CPLANE1: variants seen among roughly 807,000 people sequenced by gnomAD.
The protein encoded by CPLANE1 is ciliogenesis and planar polarity effector 1.
Under a neutral mutation model 362.5 loss-of-function variants are expected in CPLANE1, and 263 were observed. The ratio of observed to expected loss-of-function variants is 0.73; its 90% CI spans 0.66 to 0.80. The LOEUF (loss-of-function observed/expected upper bound fraction) is 0.80, where lower values mean the gene tolerates loss of function less well. Among genes scored for constraint, CPLANE1 ranks in the 30% least tolerant of loss-of-function variants. The pLI, the probability that CPLANE1 is intolerant of heterozygous loss-of-function variation, is 0.00. For missense variants in CPLANE1, 3,461 were observed against 3,793.4 expected (o/e 0.91, Z 2.30); for synonymous variants, 1,212 against 1,302.6 (o/e 0.93, Z 1.50).
chr5:37,177,692 T>G lies in CPLANE1; in HGVS notation c.5829A>C (p.Thr1943=), dbSNP rs370862454. ...TLPQQLEEEF[T]EEVQCQREEP... ...CTTCCCTTTGACACTGAACCTCTTCTGTGAACTCCTGTTAAAATGAATAGT... is the reference window on the plus strand; with the variant it reads ...CTTCCCTTTGACACTGAACCTCTTCGGTGAACTCCTGTTAAAATGAATAGT... The change falls in exon 30 of 53, where the codon ACA becomes ACC. Residue 1943 remains threonine (T), a synonymous_variant. Transcript: ENST00000651892. 1 of 1,612,454 alleles carries G rather than the reference T, an allele frequency of 6.2e-7. No homozygotes were observed. Among genetic ancestry groups the G allele is most frequent in the African/African-American group, 1.3e-5 (1 of 74,998 alleles).
At chr5:37,187,712 T>C in intron 22 of CPLANE1, 21 bp downstream of exon 22, 1 of 1,597,890 alleles carries the variant, frequency 6.3e-7, no homozygotes, top group Non-Finnish European at 8.6e-7. Flanking sequence ...TCATTTTTCT[T>C]ATTTTTGCCC....
At chr5:37,077,243 C>A in the CPLANE1 span, among the ~76,000 whole-genome samples, 1 of 152,174 alleles carries the variant, frequency 6.6e-6, no homozygotes, top group South Asian at 2.1e-4. Context: ...CCATGGTTGT[C>A]TCATGGTTTA....
At chr5:37,185,151 C>T in intron 24 of CPLANE1, 72 bp from the exon 25 acceptor site, 1 of 1,380,142 alleles carries the variant, frequency 7.2e-7, no homozygotes, top group Admixed American at 2.4e-5. Context: ...AGACCCAACT[C>T]TGGTCCCTCC....
intron 51 of CPLANE1, among the ~76,000 whole-genome samples, chr5:37,109,750 G>A (rs1056499766): frequency 3.9e-5 from 6 of 152,132 alleles, no homozygotes; most frequent in African/African-American, 1.2e-4. Flanking sequence ...TCTGCCTCCC[G>A]GATTCAAGCG....
chr5:37,227,088 GA>G lies in CPLANE1; in HGVS notation c.1522-16del. On this transcript the variant is annotated splice_polypyrimidine_tract_variant and intron_variant, in intron 11 of 52. Transcript: ENST00000651892. ...GCTTCAAAATCCTAAAACATGAGGG[GA>G]AAAAAATGATACTTAATACCATTTA... 1.3e-6 allele frequency: 2 copies of G among 1,524,968 alleles called. No individual in the cohort carries two copies. Among genetic ancestry groups the G allele is most frequent in the South Asian group, 1.3e-5 (1 of 79,132 alleles). The allele number at this position is 1,524,968 out of a possible 1,614,324, so 94.5% of individuals were successfully genotyped here. A position where few individuals can be genotyped will look rare whatever the true frequency, so the allele number is the denominator to read the frequency against.
Position 37,195,861 on chromosome 5 carries a change from T to C in CPLANE1, c.3808A>G (p.Ile1270Val), listed in dbSNP as rs1391167819. 6 of 1,606,884 alleles carry C rather than the reference T, an allele frequency of 3.7e-6. No individual in the cohort carries two copies. The highest frequency in any genetic ancestry group is 4.2e-6 in the Non-Finnish European group (5 of 1,178,062). The change falls in exon 21 of 53, where the codon ATA (isoleucine) becomes GTA (valine). Residue 1270 changes from isoleucine (I) to valine (V), a missense_variant. Ile to Val is a conservative substitution (Grantham distance 29, BLOSUM62 3). Transcript: ENST00000651892. ...HKLDEVSIRA[I>V]GCFRELCALC... Reference sequence around the variant, plus strand: ...AAGCAGTTCATTTTGGACAAACCTATTGCTCTAATGGAAACTTCATCAAGC... The same window carrying C: ...AAGCAGTTCATTTTGGACAAACCTACTGCTCTAATGGAAACTTCATCAAGC...
intron 12 of CPLANE1, 36 bp downstream of exon 12, chr5:37,226,268 C>T (rs1796455439): frequency 7.3e-7 from 1 of 1,370,258 alleles, no homozygotes; most frequent in African/African-American, 1.5e-5. Flanking sequence ...AAAAACTAAG[C>T]TAATAGTATC....
At chr5:37,168,745 A>T (rs1778974462) in intron 34 of CPLANE1, 46 bp downstream of exon 34, 8 of 1,500,880 alleles carry the variant, frequency 5.3e-6, no homozygotes, top group African/African-American at 4.2e-5. Context: ...TATGAAAAAA[A>T]TAGTGCAGGA....
intron 15 of CPLANE1, among the ~76,000 whole-genome samples, chr5:37,218,241 T>C (rs757582056): frequency 5.9e-5 from 9 of 152,156 alleles, no homozygotes; most frequent in Non-Finnish European, 1.2e-4. Context: ...GAACATCTGT[T>C]TTCCCTCTGA....
intron 16 of CPLANE1, among the ~76,000 whole-genome samples, chr5:37,208,949 G>A (rs67671101): frequency 0.14 from 7,939 of 58,380 alleles, 696 homozygotes; most frequent in African/African-American, 0.47. Flanking sequence ...AAAAAAAAAA[G>A]AAAAGAAAAA....
the CPLANE1 span, among the ~76,000 whole-genome samples, chr5:37,098,399 A>AAAG: frequency 6.7e-6 from 1 of 149,936 alleles, no homozygotes; most frequent in African/African-American, 2.4e-5. Flanking sequence ...TCAAAAAAAA[A>AAAG]AAAAAAAAAA....
At chr5:37,141,883 C>A in intron 44 of CPLANE1, 1 of 743,704 alleles carries the variant, frequency 1.3e-6, no homozygotes, top group Non-Finnish European at 1.6e-6. Flanking sequence ...AGTGTCTACA[C>A]CTCATAGATC....
At chr5:37,147,187 A>C (rs1185840905) in intron 43 of CPLANE1, among the ~76,000 whole-genome samples, 1 of 152,236 alleles carries the variant, frequency 6.6e-6, no homozygotes, top group African/African-American at 2.4e-5. Context: ...CACTACATAC[A>C]ACCAACAGAA....
chr5:37,183,131 A>G lies in CPLANE1; in HGVS notation c.5050T>C (p.Ser1684Pro). The part of the protein sequence containing the change: ...MSGLFGLKQR[S>P]IYKIQDDTRE... ...GTGTCATCTTGTATTTTGTAAATTG[A>G]CCTTTGTTTTAAACCAAATAATCCA... is the stretch of plus-strand genomic sequence containing the variant. The change falls in exon 26 of 53, where the codon TCA becomes CCA. Residue 1684 changes from serine to proline, a missense_variant. Transcript: ENST00000651892. 6.2e-7 allele frequency: 1 copy of G among 1,612,978 alleles called. No homozygotes were observed. Among genetic ancestry groups the G allele is most frequent in the Non-Finnish European group, 8.5e-7 (1 of 1,179,646 alleles).
rs577998288 is a variant in CPLANE1, at chr5:37,234,054, A to G, written c.939-3005T>C. On this transcript the variant is annotated intron_variant, in intron 8 of 52. Transcript: ENST00000651892. ...CAAAGCCAAAGTATCCTACTCAATC[A>G]ACAACATACATACATCTTCAGGAAA... 3.5e-4 allele frequency among the ~76,000 whole-genome samples: 53 copies of G among 152,320 alleles called. 1 individual carries two copies. In the South Asian group the frequency reaches 0.011, roughly 32 times the overall value.
chr5:37,169,426 A>G lies in CPLANE1; in HGVS notation c.6598T>C (p.Leu2200=). The change falls in exon 34 of 53, where the codon TTG becomes CTG. Residue 2200 remains leucine (L), a synonymous_variant. Coordinates refer to ENST00000651892, the MANE Select transcript of CPLANE1 (RefSeq NM_001384732.1). ...APAGNTHLYL[L]STPSVVQKAP... ...TTCTGAACAACAGAAGGTGTGGACA[A>G]AAGGTAGAGGTGAGTATTTCCAGCA... 6.2e-7 allele frequency: 1 copy of G among 1,614,214 alleles called. No homozygotes were observed. Among genetic ancestry groups the G allele is most frequent in the Non-Finnish European group, 8.5e-7 (1 of 1,180,032 alleles).
At chr5:37,091,967 C>T in the CPLANE1 span, among the ~76,000 whole-genome samples, 1 of 152,168 alleles carries the variant, frequency 6.6e-6, no homozygotes, top group African/African-American at 2.4e-5. Context: ...AATTCTGCTC[C>T]AGACACAGAC....
chr5:37,224,228 C>T, intron 14 of CPLANE1, 25 bp downstream of exon 14: 1 of 1,467,150 alleles, frequency 6.8e-7, no homozygotes, highest in South Asian at 1.3e-5. Flanking sequence ...AATATTATGG[C>T]ACATATTTTT....
chr5:37,127,584 T>C (rs1478558164), intron 46 of CPLANE1, among the ~76,000 whole-genome samples: 4 of 149,172 alleles, frequency 2.7e-5, no homozygotes, highest in African/African-American at 9.9e-5. Context: ...AATGGCACGA[T>C]CTTGGCTCAC....
Sources: gnomAD v4.1 joint callset for allele counts (sites outside exome capture counted in the v4.1 genomes callset) on GRCh38, gnomAD v4.1.1 for gene constraint, MANE v1.5 for transcripts, NCBI Gene and HGNC (gene_info 2026-07-23, HGNC 2026-07-21) for gene names.